ARFGEF1: variants seen among roughly 807,000 people sequenced by gnomAD.
ARFGEF1 encodes brefeldin A-inhibited guanine nucleotide-exchange protein 1.
In ARFGEF1, 42 loss-of-function variants were observed where a neutral mutation model predicts 231.0. That is an observed-to-expected ratio of 0.18 (90% CI 0.14 to 0.24). The LOEUF is 0.24. Ranked by LOEUF, ARFGEF1 falls within the 10% of genes least tolerant of loss-of-function variation. The pLI, the probability that ARFGEF1 is intolerant of heterozygous loss-of-function variation, is 1.00. For synonymous variants in ARFGEF1, 710 were observed against 732.3 expected (o/e 0.97, Z 0.49); for missense variants, 1,345 against 2,192.0 (o/e 0.61, Z 7.72).
At chr8:67,306,362 C>T (rs1170146431) in intron 1 of ARFGEF1, among the ~76,000 whole-genome samples, 1 of 152,162 alleles carries the variant, frequency 6.6e-6, no homozygotes, top group African/African-American at 2.4e-5. Flanking sequence ...TAAAACTTAA[C>T]AATTGCTTAT....
downstream of ARFGEF1, chr8:67,197,623 C>A (rs921389551): frequency 2.0e-6 from 2 of 985,540 alleles, no homozygotes; most frequent in Non-Finnish European, 2.4e-6. Context: ...CTTAATAGAC[C>A]AGAATCAATG....
Position 67,251,284 on chromosome 8 carries a change from C to G in ARFGEF1, c.2850+15G>C. The G allele has an allele frequency of 6.4e-7, 1 of 1,573,452 alleles. No individual in the cohort carries two copies. On this transcript the variant is annotated intron_variant, in intron 19 of 38. Coordinates refer to ENST00000262215, the MANE Select transcript of ARFGEF1 (RefSeq NM_006421.5). ...AAATGTACACTGCAATCAAACATTA[C>G]TTGAAAATTCTAACCTTAAACATGG... is the stretch of plus-strand genomic sequence containing the variant.
At chr8:67,250,365 GAGGGAAA>G in intron 19 of ARFGEF1, among the ~76,000 whole-genome samples, 1 of 152,320 alleles carries the variant, frequency 6.6e-6, no homozygotes, top group East Asian at 1.9e-4. Flanking sequence ...AAATGGCACT[GAGGGAAA>G]AGATTCTTAA....
chr8:67,288,761 C>T (rs546653580), intron 6 of ARFGEF1, among the ~76,000 whole-genome samples: 2 of 151,894 alleles, frequency 1.3e-5, no homozygotes, highest in Non-Finnish European at 2.9e-5. Context: ...AAGCTTGTTT[C>T]GATTACTTAG....
At chr8:67,338,936 C>G (rs896155841) in intron 1 of ARFGEF1, among the ~76,000 whole-genome samples, 1 of 152,016 alleles carries the variant, frequency 6.6e-6, no homozygotes, top group Admixed American at 6.6e-5. Context: ...TTAATAGTTA[C>G]CAAAAGTAGC....
At position 67,338,720 on chromosome 8, in the gene ARFGEF1, T is replaced by C. The variant is rs544838054; in HGVS notation, c.124+4444A>G. 6.6e-5 allele frequency among the ~76,000 whole-genome samples: 10 copies of C among 152,346 alleles called. No individual in the cohort carries two copies. The South Asian group carries it at 2.1e-3, about 32-fold the overall frequency. The stretch of plus-strand genomic sequence containing the variant: ...ATACAAATAGGATCAATCTTTCGGT[T>C]ATGTCATTAATTATACTCTTTTCTT... On this transcript the variant is annotated intron_variant, in intron 1 of 38. Transcript: ENST00000262215.
chr8:67,208,983 G>C (rs1442270953), intron 34 of ARFGEF1, among the ~76,000 whole-genome samples: 1 of 152,220 alleles, frequency 6.6e-6, no homozygotes, highest in Non-Finnish European at 1.5e-5. Flanking sequence ...GGAATTGCTG[G>C]TGGGAATGTA....
chr8:67,321,967 T>A (rs1807618732), intron 1 of ARFGEF1, among the ~76,000 whole-genome samples: 1 of 152,138 alleles, frequency 6.6e-6, no homozygotes, highest in African/African-American at 2.4e-5. Context: ...ACCACTCTCA[T>A]CTCTCTGCAT....
At chr8:67,192,528 G>T (rs1003897998) in intron 5 of ARFGEF1, among the ~76,000 whole-genome samples, 4 of 152,152 alleles carry the variant, frequency 2.6e-5, no homozygotes, top group African/African-American at 7.2e-5. Context: ...TTGAAGCACA[G>T]AAGTTTTTAA....
chr8:67,304,412 G>A (rs1488123225), intron 1 of ARFGEF1, among the ~76,000 whole-genome samples: 1 of 152,146 alleles, frequency 6.6e-6, no homozygotes, highest in East Asian at 1.9e-4. Flanking sequence ...AATATTATCT[G>A]CAGCTATTTA....
intron 1 of ARFGEF1, among the ~76,000 whole-genome samples, chr8:67,308,825 C>T (rs1325725852): frequency 1.3e-5 from 2 of 151,882 alleles, no homozygotes; most frequent in East Asian, 3.8e-4. Flanking sequence ...TTATGGGGTA[C>T]AATGAGGTGT....
intron 1 of ARFGEF1, among the ~76,000 whole-genome samples, chr8:67,326,618 A>T (rs1807845914): frequency 6.6e-6 from 1 of 152,208 alleles, no homozygotes; most frequent in Non-Finnish European, 1.5e-5. Context: ...TTCTTATATA[A>T]TACTTAAGAT....
intron 27 of ARFGEF1, 61 bp from the exon 28 acceptor site, chr8:67,226,244 A>T: frequency 4.5e-6 from 6 of 1,324,270 alleles, no homozygotes; most frequent in Non-Finnish European, 6.0e-6. Context: ...TGTACCAAAA[A>T]TACACCAACA....
intron 1 of ARFGEF1, among the ~76,000 whole-genome samples, chr8:67,322,297 G>C (rs1413807834): frequency 6.6e-6 from 1 of 152,078 alleles, no homozygotes; most frequent in South Asian, 2.1e-4. Context: ...TCACACTTTG[G>C]GTTTATTCGG....
intron 29 of ARFGEF1, among the ~76,000 whole-genome samples, chr8:67,222,260 TATGTATGTA>T (rs1563846678): frequency 5.6e-5 from 8 of 143,678 alleles, no homozygotes; most frequent in African/African-American, 2.1e-4. Context: ...TGTATGTATG[TATGTATGTA>T]TTTTTTTTTT....
At chr8:67,290,076 G>A (rs886516531) in intron 6 of ARFGEF1, among the ~76,000 whole-genome samples, 1 of 152,190 alleles carries the variant, frequency 6.6e-6, no homozygotes, top group Admixed American at 6.5e-5. Flanking sequence ...AGTGACAGAG[G>A]TGTGCTCCAA....
Position 67,240,157 on chromosome 8 carries a change from GT to G in ARFGEF1, c.2979+4del, listed in dbSNP as rs757652508. The G allele has an allele frequency of 6.2e-7, 1 of 1,606,956 alleles. No individual in the cohort carries two copies. The highest frequency in any genetic ancestry group is 1.3e-5 in the African/African-American group (1 of 74,624). ...ACTGGCTACAAAGACAAAATTCTCT[GT>G]TACCTGAATGCTGAAAATGCATGCA... On this transcript the variant is annotated splice_donor_region_variant and intron_variant, in intron 20 of 38. Transcript: ENST00000262215.
chr8:67,332,338 GA>G (rs1218196534), intron 1 of ARFGEF1, among the ~76,000 whole-genome samples: 13 of 152,140 alleles, frequency 8.5e-5, no homozygotes. Flanking sequence ...AAAAGCAAAT[GA>G]GAGTAGTTTT....
chr8:67,271,625 C>A, intron 10 of ARFGEF1, 77 bp downstream of exon 10: 1 of 1,029,098 alleles, frequency 9.7e-7, no homozygotes, highest in Non-Finnish European at 1.4e-6. Context: ...GAGAACTTTG[C>A]AGTGTATTCA....
Sources: allele counts gnomAD v4.1 joint callset (sites outside exome capture counted in the v4.1 genomes callset), GRCh38; gene constraint gnomAD v4.1.1; transcripts MANE v1.5; gene names NCBI Gene and HGNC (gene_info 2026-07-23, HGNC 2026-07-21).